Variants in APBB2 observed in about 807,000 individuals in gnomAD.
APBB2 encodes the protein amyloid beta precursor protein binding family B member 2.
APBB2 carries 38 observed loss-of-function variants against 82.5 expected under a neutral mutation model. That is an observed-to-expected ratio of 0.46 (90% CI 0.36 to 0.60). The LOEUF (loss-of-function observed/expected upper bound fraction) is 0.60. Among genes scored for constraint, APBB2 ranks in the 20% least tolerant of loss-of-function variants. The probability of loss-of-function intolerance (pLI) is 0.00; values close to 1 mark genes in which losing one functional copy is unlikely to be tolerated. For synonymous variants in APBB2, 341 were observed against 368.2 expected (o/e 0.93, Z 0.85); for missense variants, 772 against 972.3 (o/e 0.79, Z 2.74).
At chr4:41,125,463 C>T (rs1296530859) in intron 2 of APBB2, among the ~76,000 whole-genome samples, 2 of 152,066 alleles carry the variant, frequency 1.3e-5, no homozygotes. Context: ...GCAACCCAAT[C>T]AAGAAGGAAT....
intron 2 of APBB2, among the ~76,000 whole-genome samples, chr4:41,134,170 A>C (rs1163659972): frequency 6.6e-6 from 1 of 151,912 alleles, no homozygotes; most frequent in East Asian, 2.0e-4. Flanking sequence ...TTTTGTAGAG[A>C]TAGGTTGTCC....
chr4:40,904,740 G>C (rs1374220020), intron 10 of APBB2, among the ~76,000 whole-genome samples: 1 of 150,126 alleles, frequency 6.7e-6, no homozygotes, highest in East Asian at 2.0e-4. Flanking sequence ...ATGTCAGTGG[G>C]TTCTGCCAGA....
At chr4:40,943,720 A>G (rs989369183) in intron 7 of APBB2, among the ~76,000 whole-genome samples, 1 of 152,256 alleles carries the variant, frequency 6.6e-6, no homozygotes, top group African/African-American at 2.4e-5. Context: ...GTGATAAGCA[A>G]CAAAGCCCTA....
intron 10 of APBB2, among the ~76,000 whole-genome samples, chr4:40,928,756 A>ACG (rs1412757055): frequency 1.3e-5 from 2 of 150,686 alleles, no homozygotes; most frequent in East Asian, 3.9e-4. Context: ...GTGGTGGTGT[A>ACG]CACCTCTAAT....
rs993156567 is a variant in APBB2, at chr4:41,054,984, A to G, written c.-51+10592T>C. On this transcript the variant is annotated intron_variant, in intron 4 of 17. Coordinates refer to ENST00000508593, the MANE Select transcript of APBB2 (RefSeq NM_004307.2). ...TCAGTGGCTCCCCACTACTCTTAGG[A>G]AACAGCTGAAACTCCTTACCAAGGC... Among the ~76,000 whole-genome samples, 6 of 152,030 alleles carry G rather than the reference A, an allele frequency of 3.9e-5. No homozygotes were observed. In the East Asian group the frequency reaches 1.2e-3, roughly 29 times the overall value.
chr4:40,916,686 G>A (rs73242101), intron 10 of APBB2, among the ~76,000 whole-genome samples: 20,090 of 152,158 alleles, frequency 0.13, 1,497 homozygotes, highest in Admixed American at 0.21. Flanking sequence ...AAGCCCAGGA[G>A]GTCCAGAAAC....
intron 2 of APBB2, among the ~76,000 whole-genome samples, chr4:41,109,833 G>A (rs1580116144): frequency 1.3e-5 from 2 of 152,180 alleles, no homozygotes. Flanking sequence ...CAGAAGAATC[G>A]GATGTTCCAA....
intron 12 of APBB2, among the ~76,000 whole-genome samples, chr4:40,834,898 A>G (rs940333070): frequency 3.3e-5 from 5 of 152,200 alleles, no homozygotes; most frequent in Non-Finnish European, 7.4e-5. Context: ...GTTTGTGGCC[A>G]TTTGTTACAG....
chr4:41,145,872 A>C (rs79730448), intron 1 of APBB2, among the ~76,000 whole-genome samples: 1 of 152,208 alleles, frequency 6.6e-6, no homozygotes, highest in African/African-American at 2.4e-5. Flanking sequence ...CCCAAGTCTT[A>C]AGGGAAAGAC....
At chr4:40,904,428 CAAATAAATAAATAAAT>C (rs71198612) in intron 10 of APBB2, among the ~76,000 whole-genome samples, 5,663 of 144,262 alleles carry the variant, frequency 0.039, 356 homozygotes, top group African/African-American at 0.14. Context: ...GAGACTCCAT[CAAATAAATAAATAAAT>C]AAATAAATAA....
At chr4:40,867,320 T>C (rs2154338379) in intron 12 of APBB2, among the ~76,000 whole-genome samples, 1 of 152,340 alleles carries the variant, frequency 6.6e-6, no homozygotes, top group South Asian at 2.1e-4. Flanking sequence ...TTTGTTAGCT[T>C]TGTATAGCTA....
At chr4:40,894,116 G>A (rs1401605825) in intron 10 of APBB2, among the ~76,000 whole-genome samples, 2 of 151,918 alleles carry the variant, frequency 1.3e-5, no homozygotes, top group Non-Finnish European at 2.9e-5. Context: ...GTGAAGCACC[G>A]TCTCTACTAA....
At chr4:41,211,280 C>A (rs73232128) in intron 1 of APBB2, among the ~76,000 whole-genome samples, 17,500 of 151,164 alleles carry the variant, frequency 0.12, 1,255 homozygotes, top group South Asian at 0.18. Flanking sequence ...AATAATAATA[C>A]TAGGCACTGA....
At chr4:40,951,498 C>A (rs556184615) in intron 6 of APBB2, among the ~76,000 whole-genome samples, 2 of 152,250 alleles carry the variant, frequency 1.3e-5, no homozygotes, top group Admixed American at 1.3e-4. Context: ...AGACGCGATA[C>A]GGCTCAGTGC....
chr4:40,852,746 T>C (rs1461381587), intron 12 of APBB2, among the ~76,000 whole-genome samples: 1 of 152,238 alleles, frequency 6.6e-6, no homozygotes, highest in Non-Finnish European at 1.5e-5. Flanking sequence ...GTTCAAGAGA[T>C]TCTCGTGCCT....
At chr4:41,103,821 T>C (rs1353629144) in intron 2 of APBB2, among the ~76,000 whole-genome samples, 1 of 152,214 alleles carries the variant, frequency 6.6e-6, no homozygotes, top group Non-Finnish European at 1.5e-5. Context: ...AGGAGCTTCC[T>C]TGTCAATCAC....
intron 1 of APBB2, among the ~76,000 whole-genome samples, chr4:41,188,416 G>A (rs1773511744): frequency 6.6e-6 from 1 of 152,156 alleles, no homozygotes; most frequent in Non-Finnish European, 1.5e-5. Context: ...ATGGTACTGG[G>A]AGGTGGGGTC....
At chr4:41,034,499 A>G (rs971225987) in intron 4 of APBB2, among the ~76,000 whole-genome samples, 2 of 152,108 alleles carry the variant, frequency 1.3e-5, no homozygotes, top group Non-Finnish European at 2.9e-5. Flanking sequence ...TAATTTTTGT[A>G]TTTTTAGTAG....
rs566247338 is a variant in APBB2, at chr4:40,923,640, C to T, written c.1254+10816G>A. Among the ~76,000 whole-genome samples, 5 of 152,328 alleles carry T rather than the reference C, an allele frequency of 3.3e-5. No homozygotes were observed. In the South Asian group the frequency reaches 1.0e-3, roughly 32 times the overall value. Reference sequence around the variant, plus strand: ...CTGCTGCCACCGCGGCTGGCTGGTGCCCATTTCCTCACCTGTTTCCTACCT... The same window carrying T: ...CTGCTGCCACCGCGGCTGGCTGGTGTCCATTTCCTCACCTGTTTCCTACCT... On this transcript the variant is annotated intron_variant, in intron 10 of 17. Transcript: ENST00000508593.
Sources: gnomAD v4.1 joint callset for allele counts (sites outside exome capture counted in the v4.1 genomes callset) on GRCh38, gnomAD v4.1.1 for gene constraint, MANE v1.5 for transcripts, NCBI Gene and HGNC (gene_info 2026-07-23, HGNC 2026-07-21) for gene names.